Variants in LUZP2 observed in about 807,000 individuals in gnomAD.
The protein encoded by LUZP2 is leucine zipper protein 2.
Under a neutral mutation model 51.6 loss-of-function variants are expected in LUZP2, and 52 were observed. That is an observed-to-expected ratio of 1.01 (90% CI 0.81 to 1.27). The LOEUF (loss-of-function observed/expected upper bound fraction) is 1.27. LUZP2 is among the 50% of genes most tolerant of loss of function. The pLI, the probability that LUZP2 is intolerant of heterozygous loss-of-function variation, is 0.00. For missense variants in LUZP2, 436 were observed against 395.4 expected (o/e 1.10, Z -0.87); for synonymous variants, 154 against 137.3 (o/e 1.12, Z -0.85).
At chr11:24,727,605 C>A (rs1238910945) in intron 1 of LUZP2, among the ~76,000 whole-genome samples, 3 of 151,802 alleles carry the variant, frequency 2.0e-5, no homozygotes, top group African/African-American at 7.3e-5. Context: ...CAAATTGGGG[C>A]ATAAAGTAAG....
intron 1 of LUZP2, among the ~76,000 whole-genome samples, chr11:24,618,756 A>G (rs1401395398): frequency 1.3e-5 from 2 of 152,104 alleles, no homozygotes; most frequent in African/African-American, 4.8e-5. Flanking sequence ...TTTATATATA[A>G]TGGCCAGGGC....
chr11:24,959,819 T>C (rs547928922), intron 7 of LUZP2, among the ~76,000 whole-genome samples: 1 of 152,302 alleles, frequency 6.6e-6, no homozygotes, highest in South Asian at 2.1e-4. Context: ...AGGGCATCCC[T>C]GTCTTGTGCC....
intron 9 of LUZP2, among the ~76,000 whole-genome samples, chr11:25,006,034 T>C (rs1404650320): frequency 1.3e-5 from 2 of 152,128 alleles, no homozygotes; most frequent in Admixed American, 1.3e-4. Flanking sequence ...ATAGGAAGGA[T>C]ACAATTTCTG....
chr11:24,988,859 G>T (rs1207122439), intron 9 of LUZP2, among the ~76,000 whole-genome samples: 2 of 151,926 alleles, frequency 1.3e-5, no homozygotes, highest in African/African-American at 2.4e-5. Flanking sequence ...CAAGAAGCTG[G>T]ATATCGGAGT....
intron 7 of LUZP2, among the ~76,000 whole-genome samples, chr11:24,972,090 G>T (rs371957964): frequency 7.6e-6 from 1 of 131,018 alleles, no homozygotes; most frequent in South Asian, 2.7e-4. Flanking sequence ...GCAGTGAGCC[G>T]GGATCATGCT....
intron 1 of LUZP2, among the ~76,000 whole-genome samples, chr11:24,543,845 A>AAAAAAAAAATG (rs1851456787): frequency 6.6e-6 from 1 of 150,428 alleles, no homozygotes; most frequent in African/African-American, 2.4e-5. Context: ...AAAAAAAAAA[A>AAAAAAAAAATG]GATGGATCAA....
chr11:25,073,646 G>A (rs962491224), intron 10 of LUZP2, among the ~76,000 whole-genome samples: 6 of 151,914 alleles, frequency 3.9e-5, no homozygotes, highest in African/African-American at 7.3e-5. Flanking sequence ...CGTAAGAAAC[G>A]TTTTTGCAGC....
intron 1 of LUZP2, among the ~76,000 whole-genome samples, chr11:24,610,986 C>A (rs982701451): frequency 1.3e-5 from 2 of 151,998 alleles, no homozygotes; most frequent in Non-Finnish European, 2.9e-5. Context: ...ATGATTAAAC[C>A]AGAGTTATAC....
At chr11:24,753,454 T>G (rs868260726) in intron 4 of LUZP2, among the ~76,000 whole-genome samples, 8 of 152,096 alleles carry the variant, frequency 5.3e-5, no homozygotes, top group Non-Finnish European at 8.8e-5. Context: ...GAATGAGAGT[T>G]TTATGATCCA....
intron 7 of LUZP2, among the ~76,000 whole-genome samples, chr11:24,925,756 T>C (rs1375720796): frequency 6.6e-6 from 1 of 152,102 alleles, no homozygotes; most frequent in Non-Finnish European, 1.5e-5. Flanking sequence ...TTTTTTTATT[T>C]CAATAGGATT....
At chr11:24,531,640 A>G (rs1181794770) in intron 1 of LUZP2, among the ~76,000 whole-genome samples, 1 of 150,930 alleles carries the variant, frequency 6.6e-6, no homozygotes, top group Non-Finnish European at 1.5e-5. Flanking sequence ...TTCTGTGAGT[A>G]GAACTTTTTT....
intron 7 of LUZP2, among the ~76,000 whole-genome samples, chr11:24,956,400 G>A (rs980971999): frequency 6.6e-6 from 1 of 152,040 alleles, no homozygotes; most frequent in African/African-American, 2.4e-5. Flanking sequence ...AGAATTTTAA[G>A]GCAATACGTT....
chr11:24,913,336 A>C (rs1409705857), intron 6 of LUZP2, among the ~76,000 whole-genome samples: 1 of 152,150 alleles, frequency 6.6e-6, no homozygotes, highest in Admixed American at 6.5e-5. Context: ...GTTGTTCTAT[A>C]ATTCAGTACT....
At chr11:24,779,527 A>G (rs1849028754) in intron 5 of LUZP2, among the ~76,000 whole-genome samples, 1 of 152,064 alleles carries the variant, frequency 6.6e-6, no homozygotes, top group Admixed American at 6.6e-5. Flanking sequence ...TCATTGTGCC[A>G]CTCCTTGTTT....
intron 5 of LUZP2, among the ~76,000 whole-genome samples, chr11:24,773,081 G>GT (rs3078931): frequency 0.022 from 3,143 of 145,590 alleles, 42 homozygotes; most frequent in Non-Finnish European, 0.028. Flanking sequence ...AAACAGTGTA[G>GT]TTTTTTTTTT....
chr11:24,921,076 A>C (rs1335685382), intron 7 of LUZP2, among the ~76,000 whole-genome samples: 1 of 152,154 alleles, frequency 6.6e-6, no homozygotes, highest in East Asian at 1.9e-4. Flanking sequence ...GACTGGGGGA[A>C]CACCAGGGTT....
chr11:24,925,928 G>T (rs552760464), intron 7 of LUZP2, among the ~76,000 whole-genome samples: 3 of 151,872 alleles, frequency 2.0e-5, no homozygotes, highest in South Asian at 4.2e-4. Context: ...AAAGTCCATT[G>T]TATTATTCTT....
chr11:25,002,474 T>A (rs1856712055), intron 9 of LUZP2, among the ~76,000 whole-genome samples: 1 of 152,184 alleles, frequency 6.6e-6, no homozygotes, highest in Non-Finnish European at 1.5e-5. Context: ...GAATAGCACC[T>A]GGTATCTAAG....
intron 1 of LUZP2, among the ~76,000 whole-genome samples, chr11:24,601,922 A>ATATATGTATATATATG (rs1406724194): frequency 4.5e-5 from 3 of 66,038 alleles, no homozygotes; most frequent in Non-Finnish European, 8.9e-5. Flanking sequence ...GTATATATGT[A>ATATATGTATATATATG]TATATATGTA....
Sources: gnomAD v4.1 joint callset for allele counts (sites outside exome capture counted in the v4.1 genomes callset) on GRCh38, gnomAD v4.1.1 for gene constraint, MANE v1.5 for transcripts, NCBI Gene and HGNC (gene_info 2026-07-23, HGNC 2026-07-21) for gene names.